TTC27: variants seen among roughly 807,000 people sequenced by gnomAD.
The protein encoded by TTC27 is tetratricopeptide repeat protein 27.
TTC27 carries 79 observed loss-of-function variants against 115.9 expected under a neutral mutation model. The observed-to-expected ratio is 0.68, with a 90% CI of 0.57 to 0.82. The LOEUF (loss-of-function observed/expected upper bound fraction) is 0.82, where lower values mean the gene tolerates loss of function less well. TTC27 is among the 40% of genes least tolerant of loss of function. TTC27 has a pLI of 0.00. For synonymous variants in TTC27, 401 were observed against 356.0 expected, an observed-to-expected ratio of 1.13 and a Z score of -1.42; for missense variants, 1,054 against 993.1, an observed-to-expected ratio of 1.06 and a Z score of -0.82.
intron 10 of TTC27, among the ~76,000 whole-genome samples, chr2:32,723,357 C>T (rs1213876894): frequency 6.6e-6 from 1 of 152,088 alleles, no homozygotes; most frequent in Non-Finnish European, 1.5e-5. Flanking sequence ...TATAGATCTT[C>T]AGCCTAGCCC....
intron 4 of TTC27, among the ~76,000 whole-genome samples, chr2:32,648,382 G>A (rs1230718813): frequency 1.3e-5 from 2 of 150,870 alleles, no homozygotes; most frequent in African/African-American, 2.4e-5. Flanking sequence ...GCCCCACCTC[G>A]GCCTCCCATA....
intron 19 of TTC27, among the ~76,000 whole-genome samples, chr2:32,820,455 A>G (rs945231926): frequency 9.9e-5 from 15 of 152,240 alleles, no homozygotes; most frequent in Non-Finnish European, 2.9e-5. Context: ...GAATTTGAAC[A>G]TAGAATATAT....
At position 32,628,097 on chromosome 2, in the gene TTC27, G is replaced by C. The variant is rs2063522115; in HGVS notation, c.-196G>C. 1 of 561,254 alleles carries C rather than the reference G, an allele frequency of 1.8e-6. No homozygotes were observed. The highest frequency in any genetic ancestry group is 2.0e-5 in the African/African-American group (1 of 50,606). 34.8% of individuals were successfully genotyped at this position (561,254 alleles called of 1,614,324 possible). A position where few individuals can be genotyped will look rare whatever the true frequency, so the allele number is the denominator to read the frequency against. ...CCAGAGAGCGTGCGTGTTTTTCCCA[G>C]GGTGCCCCGCGCTGCTGTTATGGCC... On this transcript the variant is annotated 5_prime_UTR_variant, in exon 1 of 20. Transcript: ENST00000317907.
At chr2:32,671,058 A>G (rs924895201) in intron 7 of TTC27, among the ~76,000 whole-genome samples, 1 of 152,204 alleles carries the variant, frequency 6.6e-6, no homozygotes, top group African/African-American at 2.4e-5. Context: ...TGTCTTAACA[A>G]TGTTTTCAGA....
chr2:32,653,788 T>G (rs1369802893), intron 5 of TTC27, among the ~76,000 whole-genome samples: 2 of 152,208 alleles, frequency 1.3e-5, no homozygotes, highest in African/African-American at 4.8e-5. Context: ...GAAGAGATTT[T>G]GGTTTTAGCA....
chr2:32,797,630 AAATTT>A (rs1279897933), intron 16 of TTC27, among the ~76,000 whole-genome samples: 6 of 152,218 alleles, frequency 3.9e-5, no homozygotes, highest in Non-Finnish European at 8.8e-5. Context: ...TCAAATACTT[AAATTT>A]AATAGCTACA....
chr2:32,712,756 G>A (rs1162686376), intron 10 of TTC27, among the ~76,000 whole-genome samples: 3 of 151,810 alleles, frequency 2.0e-5, no homozygotes, highest in African/African-American at 4.8e-5. Context: ...CACATTACCC[G>A]GGCTGGTCTT....
At chr2:32,805,604 A>G (rs538626079) in intron 16 of TTC27, among the ~76,000 whole-genome samples, 3 of 152,334 alleles carry the variant, frequency 2.0e-5, no homozygotes, top group South Asian at 2.1e-4. Context: ...AGCTGACACC[A>G]TGGTGGTGAA....
intron 10 of TTC27, among the ~76,000 whole-genome samples, chr2:32,717,084 A>G (rs7565978): frequency 0.3 from 45,933 of 150,634 alleles, 7,495 homozygotes; most frequent in Non-Finnish European, 0.36. Context: ...GCTCACTACA[A>G]TCTTGAACTC....
At chr2:32,678,641 A>G (rs1195577640) in intron 8 of TTC27, among the ~76,000 whole-genome samples, 2 of 151,922 alleles carry the variant, frequency 1.3e-5, no homozygotes, top group Non-Finnish European at 2.9e-5. Context: ...GTTAGCCAGG[A>G]TGGTCTTGAT....
At chr2:32,658,409 C>G (rs1314326487) in intron 5 of TTC27, among the ~76,000 whole-genome samples, 2 of 152,158 alleles carry the variant, frequency 1.3e-5, no homozygotes, top group Non-Finnish European at 2.9e-5. Flanking sequence ...GGCTCTGTGC[C>G]CAGCCTGAGC....
chr2:32,802,977 T>TGGCTCG (rs1671004058), intron 16 of TTC27, among the ~76,000 whole-genome samples: 1 of 152,266 alleles, frequency 6.6e-6, no homozygotes, highest in South Asian at 2.1e-4. Context: ...TTTTTCCTGT[T>TGGCTCG]GGCTCGTATT....
chr2:32,665,721 G>A (rs866225280), intron 6 of TTC27, among the ~76,000 whole-genome samples: 3 of 151,858 alleles, frequency 2.0e-5, no homozygotes, highest in Non-Finnish European at 2.9e-5. Flanking sequence ...GGCAAAACCC[G>A]CCTCACTAAA....
At chr2:32,807,086 C>T (rs1173706125) in intron 16 of TTC27, among the ~76,000 whole-genome samples, 1 of 152,136 alleles carries the variant, frequency 6.6e-6, no homozygotes, top group Non-Finnish European at 1.5e-5. Flanking sequence ...GTCACCACTA[C>T]CCCCAAATAC....
At chr2:32,781,520 A>C (rs1326626788) in intron 14 of TTC27, among the ~76,000 whole-genome samples, 1 of 152,038 alleles carries the variant, frequency 6.6e-6, no homozygotes, top group Non-Finnish European at 1.5e-5. Context: ...ATTGAGTTTT[A>C]TTCTGGCATT....
At chr2:32,758,665 G>T in intron 13 of TTC27, 146 bp downstream of exon 13, 1 of 706,848 alleles carries the variant, frequency 1.4e-6, no homozygotes, top group South Asian at 2.3e-5. Flanking sequence ...TAGACTTTTT[G>T]CTTGTTGCAA....
Position 32,634,012 on chromosome 2 carries a change from T to A in TTC27, c.396+7T>A, listed in dbSNP as rs1271787435. The A allele has an allele frequency of 6.2e-7, 1 of 1,608,736 alleles. No homozygotes were observed. The highest frequency in any genetic ancestry group is 1.3e-5 in the African/African-American group (1 of 74,864). On this transcript the variant is annotated splice_region_variant and intron_variant, in intron 3 of 19. Coordinates refer to ENST00000317907, the MANE Select transcript of TTC27 (RefSeq NM_017735.5). ...GTTCCAGCAATTCAGTGAGGTATGC[T>A]TCTTGAAAATGTTGTATGTAATTAT...
intron 7 of TTC27, among the ~76,000 whole-genome samples, chr2:32,671,170 AGGG>A (rs1666002645): frequency 6.6e-6 from 1 of 152,024 alleles, no homozygotes; most frequent in African/African-American, 2.4e-5. Flanking sequence ...TTTCCATCTC[AGGG>A]TTACAAAGTT....
At chr2:32,781,194 A>G (rs1247799732) in intron 14 of TTC27, among the ~76,000 whole-genome samples, 3 of 152,242 alleles carry the variant, frequency 2.0e-5, no homozygotes, top group African/African-American at 7.2e-5. Flanking sequence ...TCCAGCAGTC[A>G]GGCTGCTTTC....
Sources: allele counts gnomAD v4.1 joint callset (sites outside exome capture counted in the v4.1 genomes callset), GRCh38; gene constraint gnomAD v4.1.1; transcripts MANE v1.5; gene names NCBI Gene and HGNC (gene_info 2026-07-23, HGNC 2026-07-21).